Variants in ERC1 observed in about 807,000 individuals in gnomAD.
ERC1 encodes the protein ELKS/RAB6-interacting/CAST family member 1, also known as RAB6 interacting protein 2.
Under a neutral mutation model 132.0 loss-of-function variants are expected in ERC1, and 56 were observed. The observed-to-expected ratio is 0.42, with a 90% confidence interval of 0.34 to 0.53. ERC1 has a LOEUF of 0.53. ERC1 is among the 20% of genes least tolerant of loss of function. The pLI is 0.03. For synonymous variants in ERC1, 478 were observed against 476.1 expected (o/e 1.00, Z -0.05); for missense variants, 1,202 against 1,349.9 (o/e 0.89, Z 1.72).
At chr12:1,251,516 A>G (rs941165380) in intron 13 of ERC1, among the ~76,000 whole-genome samples, 4 of 152,126 alleles carry the variant, frequency 2.6e-5, no homozygotes, top group Admixed American at 6.5e-5. Context: ...ATAAATCAGC[A>G]TCTGTTTTTA....
At chr12:1,079,912 A>G (rs1941940451) in intron 2 of ERC1, among the ~76,000 whole-genome samples, 1 of 152,262 alleles carries the variant, frequency 6.6e-6, no homozygotes, top group African/African-American at 2.4e-5. Context: ...ATATACAAAG[A>G]TACATATAGA....
chr12:1,183,225 T>C, intron 10 of ERC1, 56 bp from the exon 11 acceptor site: 1 of 1,243,646 alleles, frequency 8.0e-7, no homozygotes. Flanking sequence ...ATTTAAAAAT[T>C]TAAACCTCTA....
chr12:1,198,322 A>G (rs1483421340), intron 12 of ERC1, among the ~76,000 whole-genome samples: 1 of 152,200 alleles, frequency 6.6e-6, no homozygotes, highest in Non-Finnish European at 1.5e-5. Flanking sequence ...GAAGGCTAAT[A>G]AGTAATTTTG....
rs1351665495 is a variant in ERC1 at position 1,491,700 on chromosome 12, G to C, written c.*1470G>C. The C allele has an allele frequency of 4.3e-6, 1 of 230,540 alleles. No homozygotes were observed. The highest frequency in any genetic ancestry group is 5.7e-5 in the Admixed American group (1 of 17,696). 14.3% of individuals were successfully genotyped at this position (230,540 alleles called of 1,614,324 possible). The stretch of plus-strand genomic sequence containing the variant: ...GGGCTCTGAGTATCTACTTGTGGGT[G>C]GCCATTTCCTGACATCTGCATGTAC... On this transcript the variant is annotated 3_prime_UTR_variant, in exon 19 of 19. Transcript: ENST00000360905.
chr12:1,242,689 G>A (rs182667836), intron 13 of ERC1, among the ~76,000 whole-genome samples: 40 of 152,242 alleles, frequency 2.6e-4, no homozygotes, highest in Non-Finnish European at 1.0e-4. Flanking sequence ...AATGTTAACA[G>A]GATTGGACTA....
intron 1 of ERC1, among the ~76,000 whole-genome samples, chr12:1,009,244 G>A (rs552730621): frequency 3.3e-5 from 5 of 150,816 alleles, no homozygotes; most frequent in African/African-American, 7.3e-5. Flanking sequence ...GCACTATCTC[G>A]GCTCACTGCA....
intron 15 of ERC1, among the ~76,000 whole-genome samples, chr12:1,356,668 T>C (rs1485551490): frequency 6.6e-6 from 1 of 152,118 alleles, no homozygotes; most frequent in Admixed American, 6.5e-5. Flanking sequence ...AAAGGAAAAA[T>C]TGGTGTAGTA....
chr12:1,397,438 A>G (rs1457337165), intron 16 of ERC1, among the ~76,000 whole-genome samples: 5 of 152,238 alleles, frequency 3.3e-5, no homozygotes, highest in East Asian at 1.9e-4. Flanking sequence ...TTTGTTGTCA[A>G]TTATAGTATA....
At chr12:1,388,345 CAAAAAAAAAAA>C (rs34634557) in intron 16 of ERC1, among the ~76,000 whole-genome samples, 3 of 85,084 alleles carry the variant, frequency 3.5e-5, no homozygotes, top group African/African-American at 7.9e-5. Context: ...GACTCTGTCT[CAAAAAAAAAAA>C]AAAAAAAAAA....
At chr12:1,244,808 C>CGAGATCT in intron 13 of ERC1, 2 of 214,942 alleles carry the variant, frequency 9.3e-6, no homozygotes, top group Non-Finnish European at 1.9e-5. Context: ...TGTGAACCAG[C>CGAGATCT]ACACCTGGCC....
At chr12:1,171,327 G>A (rs1481929459) in intron 8 of ERC1, among the ~76,000 whole-genome samples, 1 of 147,398 alleles carries the variant, frequency 6.8e-6, no homozygotes, top group Non-Finnish European at 1.5e-5. Context: ...GCAAAATTTA[G>A]ATGTCAGCAA....
chr12:1,002,340 A>ATTT (rs569633435), intron 1 of ERC1, among the ~76,000 whole-genome samples: 8 of 131,510 alleles, frequency 6.1e-5, no homozygotes, highest in African/African-American at 2.0e-4. Flanking sequence ...TGCTTGGCTA[A>ATTT]TTTTTTTTTT....
At chr12:995,395 A>G (rs1013188612) in intron 1 of ERC1, among the ~76,000 whole-genome samples, 1 of 152,200 alleles carries the variant, frequency 6.6e-6, no homozygotes, top group Non-Finnish European at 1.5e-5. Flanking sequence ...GGGTAGACCT[A>G]TAGAATTTGT....
chr12:1,372,714 C>A (rs145762775), intron 16 of ERC1, among the ~76,000 whole-genome samples: 1 of 152,210 alleles, frequency 6.6e-6, no homozygotes, highest in Non-Finnish European at 1.5e-5. Flanking sequence ...GCGCAGCATC[C>A]GCGTCCCAGC....
intron 1 of ERC1, among the ~76,000 whole-genome samples, chr12:1,003,718 C>G (rs1287872848): frequency 1.3e-5 from 2 of 152,212 alleles, no homozygotes; most frequent in Non-Finnish European, 2.9e-5. Context: ...CCTTGCCTGT[C>G]TGATTTGACT....
rs544420579 is a variant in ERC1, at chr12:1,394,027, A to C, written c.2926-14122A>C. ...TGAGACTCCGTCTCAAAAAAAAAAA[A>C]AAAAAACAAAAAAAAAACCACAAAG... On this transcript the variant is annotated intron_variant, in intron 16 of 18. Coordinates refer to ENST00000360905, the MANE Select transcript of ERC1 (RefSeq NM_178040.4). Among the ~76,000 whole-genome samples, 61 of 117,084 alleles carry C rather than the reference A, an allele frequency of 5.2e-4. 1 individual carries two copies. The East Asian group carries it at 6.2e-3, about 12-fold the overall frequency. The allele number at this position is 117,084 out of a possible 152,430, so 76.8% of individuals were successfully genotyped here.
intron 17 of ERC1, among the ~76,000 whole-genome samples, chr12:1,421,678 C>T (rs1056868540): frequency 6.6e-6 from 1 of 151,968 alleles, no homozygotes; most frequent in Non-Finnish European, 1.5e-5. Context: ...AATTTTGTAA[C>T]CTCCAGCTAC....
chr12:1,333,109 C>T (rs531833125), intron 15 of ERC1, among the ~76,000 whole-genome samples: 3 of 149,928 alleles, frequency 2.0e-5, no homozygotes, highest in Middle Eastern at 3.4e-3. Flanking sequence ...TCTCACCCCC[C>T]CTCCTCCATT....
intron 18 of ERC1, among the ~76,000 whole-genome samples, chr12:1,451,156 T>G (rs553442264): frequency 6.6e-6 from 1 of 152,334 alleles, no homozygotes; most frequent in East Asian, 1.9e-4. Context: ...ACACATTTTT[T>G]TATTTTCAGG....
Sources: gnomAD v4.1 joint callset for allele counts (sites outside exome capture counted in the v4.1 genomes callset) on GRCh38, gnomAD v4.1.1 for gene constraint, MANE v1.5 for transcripts, NCBI Gene and HGNC (gene_info 2026-07-23, HGNC 2026-07-21) for gene names.